The following PAX7 variants were observed in gnomAD, a reference collection of about 807,000 sequenced individuals.
PAX7 encodes paired box 7.
Under a neutral mutation model 50.7 loss-of-function variants are expected in PAX7, and 18 were observed. The observed-to-expected ratio is 0.36, with a 90% CI of 0.25 to 0.53. The LOEUF is 0.53. Ranked by LOEUF, PAX7 falls within the 20% of genes least tolerant of loss-of-function variation. The pLI is 0.93. For missense variants in PAX7, 644 were observed against 702.9 expected, an observed-to-expected ratio of 0.92 and a Z score of 0.95; for synonymous variants, 310 against 290.4, an observed-to-expected ratio of 1.07 and a Z score of -0.69.
chr1:18,644,027 C>T (rs1253206046), intron 4 of PAX7, among the ~76,000 whole-genome samples: 3 of 152,252 alleles, frequency 2.0e-5, no homozygotes, highest in African/African-American at 7.2e-5. Context: ...TCGCCGCCTT[C>T]CAATTTAGCC....
At chr1:18,738,856 G>T (rs980839499) in intron 8 of PAX7, among the ~76,000 whole-genome samples, 1 of 152,118 alleles carries the variant, frequency 6.6e-6, no homozygotes, top group East Asian at 1.9e-4. Context: ...TGGAGGCCAC[G>T]AATTAGACTT....
At chr1:18,640,180 G>C (rs2088228964) in intron 4 of PAX7, among the ~76,000 whole-genome samples, 1 of 152,178 alleles carries the variant, frequency 6.6e-6, no homozygotes, top group Non-Finnish European at 1.5e-5. Flanking sequence ...GGAAATGACG[G>C]GGAAGGATCG....
At chr1:18,657,522 TTCC>T (rs2088539715) in intron 4 of PAX7, among the ~76,000 whole-genome samples, 1 of 152,152 alleles carries the variant, frequency 6.6e-6, no homozygotes, top group Non-Finnish European at 1.5e-5. Context: ...CTGTCACTCT[TTCC>T]TCCTAAGAAG....
chr1:18,731,107 A>G (rs2089641069), intron 7 of PAX7, among the ~76,000 whole-genome samples: 1 of 152,214 alleles, frequency 6.6e-6, no homozygotes, highest in African/African-American at 2.4e-5. Flanking sequence ...GGTCACCAGG[A>G]AAAAAGTAAA....
intron 7 of PAX7, among the ~76,000 whole-genome samples, chr1:18,704,419 G>A (rs987713874): frequency 4.6e-5 from 7 of 152,260 alleles, no homozygotes; most frequent in Middle Eastern, 3.4e-3. Flanking sequence ...TCAAGAGTTC[G>A]AGACCAGCCT....
chr1:18,700,960 C>T lies in PAX7; in HGVS notation c.952+142C>T. On this transcript the variant is annotated intron_variant, in intron 6 of 8. Coordinates refer to ENST00000420770, the MANE Select transcript of PAX7 (RefSeq NM_001135254.2). The surrounding 1 kb of genome is among the most constrained non-coding windows in gnomAD (Gnocchi z 4.8). ...GCTATTGAGAGCAAAAAGATGCAAT[C>T]CTGCCCTTGAAATTCTTGGCCCTGA... 2.3e-6 allele frequency: 2 copies of T among 859,256 alleles called. No individual in the cohort carries two copies. Among genetic ancestry groups the T allele is most frequent in the Non-Finnish European group, 3.3e-6 (2 of 605,362 alleles). The allele number at this position is 859,256 out of a possible 1,614,324, so 53.2% of individuals were successfully genotyped here.
intron 7 of PAX7, among the ~76,000 whole-genome samples, chr1:18,707,183 G>T (rs1431945222): frequency 6.6e-6 from 1 of 152,178 alleles, no homozygotes; most frequent in Non-Finnish European, 1.5e-5. Context: ...CCTAGTGGAG[G>T]TGACAGTACA....
chr1:18,660,040 A>G (rs1317659149), intron 4 of PAX7, among the ~76,000 whole-genome samples: 3 of 152,200 alleles, frequency 2.0e-5, no homozygotes, highest in Admixed American at 1.3e-4. Flanking sequence ...GGAGGTCGGA[A>G]TTCGTCCACG....
rs1026552555 is a variant in PAX7 at position 18,636,170 on chromosome 1, C to T, written c.452-67C>T. 78 of 1,557,942 alleles carry T rather than the reference C, an allele frequency of 5.0e-5. No individual in the cohort carries two copies. The highest frequency in any genetic ancestry group is 6.7e-5 in the Non-Finnish European group (77 of 1,143,658). On this transcript the variant is annotated intron_variant, in intron 3 of 8. Transcript: ENST00000420770. The surrounding 1 kb of genome is among the most constrained non-coding windows in gnomAD (Gnocchi z 5.1). ...GGGCTTCCTGACTTTCTCCCAGGGG[C>T]CCAGGCCACCGCTCGCTCCTCTGCT...
intron 4 of PAX7, among the ~76,000 whole-genome samples, chr1:18,682,914 C>A (rs577783227): frequency 6.6e-6 from 1 of 152,298 alleles, no homozygotes; most frequent in Non-Finnish European, 1.5e-5. Context: ...TACCCTCACT[C>A]AATCCCCTTC....
intron 1 of PAX7, 83 bp downstream of exon 1, chr1:18,631,771 G>T: frequency 8.7e-7 from 1 of 1,149,798 alleles, no homozygotes; most frequent in Non-Finnish European, 1.3e-6. Context: ...TCCAGGGGAC[G>T]GTGGCGGCGC....
At chr1:18,694,761 T>C (rs1197231910) in intron 5 of PAX7, among the ~76,000 whole-genome samples, 2 of 152,198 alleles carry the variant, frequency 1.3e-5, no homozygotes, top group Non-Finnish European at 2.9e-5. Context: ...AATAAGGGGA[T>C]GGAACTCAAC....
At chr1:18,650,790 G>C (rs1435641544) in intron 4 of PAX7, among the ~76,000 whole-genome samples, 1 of 152,174 alleles carries the variant, frequency 6.6e-6, no homozygotes, top group African/African-American at 2.4e-5. Flanking sequence ...ATTATGCCAG[G>C]CACCATGAAG....
In PAX7 at chr1:18,632,283, G is replaced by T. The variant is rs2088067377; in HGVS notation, c.85+595G>T. Among the ~76,000 whole-genome samples the T allele has an allele frequency of 6.6e-6, 1 of 152,048 alleles. No homozygotes were observed. Among genetic ancestry groups the T allele is most frequent in the African/African-American group, 2.4e-5 (1 of 41,412 alleles). Reference sequence around the variant, plus strand: ...ATTTTCCCCCTAAAACTTTTTACTCGGGCTTCCGCACTCTGGAAATCTCCC... The same window carrying T: ...ATTTTCCCCCTAAAACTTTTTACTCTGGCTTCCGCACTCTGGAAATCTCCC... On this transcript the variant is annotated intron_variant, in intron 1 of 8. Coordinates refer to ENST00000420770, the MANE Select transcript of PAX7 (RefSeq NM_001135254.2). The surrounding 1 kb of genome is among the most constrained non-coding windows in gnomAD (Gnocchi z 6.3).
chr1:18,673,584 C>T (rs893707859), intron 4 of PAX7, among the ~76,000 whole-genome samples: 2 of 152,016 alleles, frequency 1.3e-5, no homozygotes, highest in African/African-American at 4.8e-5. Context: ...TCCCAGGGTG[C>T]GAGTAACAGA....
intron 2 of PAX7, 34 bp from the exon 3 acceptor site, chr1:18,635,077 T>C: frequency 6.2e-7 from 1 of 1,610,478 alleles, no homozygotes; most frequent in Non-Finnish European, 8.5e-7. Flanking sequence ...CATCCCATCT[T>C]TCCACTCCTA....
intron 8 of PAX7, among the ~76,000 whole-genome samples, chr1:18,741,463 A>AAAGAAAG (rs1553144725): frequency 1.3e-5 from 2 of 149,494 alleles, no homozygotes; most frequent in Non-Finnish European, 3.0e-5. Context: ...AAGAAAAAAA[A>AAAGAAAG]AAAGAAAGAA....
chr1:18,742,062 T>C lies in PAX7; in HGVS notation c.1403-2752T>C, dbSNP rs532309051. ...AAATGGAAAATGAGCACAAAATGCT[T>C]AGAACAGGACTAGGATAGAACAAGC... On this transcript the variant is annotated intron_variant, in intron 8 of 8. Coordinates refer to ENST00000420770, the MANE Select transcript of PAX7 (RefSeq NM_001135254.2). 1.4e-4 allele frequency among the ~76,000 whole-genome samples: 21 copies of C among 152,136 alleles called. No homozygotes were observed. The South Asian group carries it at 2.1e-3, about 15-fold the overall frequency.
chr1:18,715,362 C>T (rs776951005), intron 7 of PAX7, among the ~76,000 whole-genome samples: 5 of 152,196 alleles, frequency 3.3e-5, no homozygotes, highest in Admixed American at 1.3e-4. Context: ...TGTATTGCTA[C>T]ACAAATATTA....
Sources: gnomAD v4.1 joint callset for allele counts (sites outside exome capture counted in the v4.1 genomes callset) on GRCh38, gnomAD v4.1.1 for gene constraint, Gnocchi (gnomAD v3.1) non-coding constraint, MANE v1.5 for transcripts, NCBI Gene and HGNC (gene_info 2026-07-23, HGNC 2026-07-21) for gene names.